PARD3B: variants seen among roughly 807,000 people sequenced by gnomAD.
PARD3B encodes the protein par-3 family cell polarity regulator beta.
PARD3B carries 103 observed loss-of-function variants against 130.2 expected under a neutral mutation model. That is an observed-to-expected ratio of 0.79 (90% confidence interval 0.67 to 0.93). The LOEUF is 0.93. Among genes scored for constraint, PARD3B ranks in the 40% least tolerant of loss-of-function variants. The pLI is 0.00. For missense variants in PARD3B, 1,609 were observed against 1,499.2 expected (o/e 1.07, Z -1.21); for synonymous variants, 583 against 553.2 (o/e 1.05, Z -0.76).
intron 19 of PARD3B, among the ~76,000 whole-genome samples, chr2:205,406,068 A>G (rs2046407998): frequency 1.3e-5 from 2 of 152,220 alleles, no homozygotes; most frequent in Admixed American, 6.5e-5. Flanking sequence ...GCATGCGGGT[A>G]CTAAATCCAA....
intron 2 of PARD3B, among the ~76,000 whole-genome samples, chr2:204,835,901 G>A (rs1057382470): frequency 6.6e-6 from 1 of 152,220 alleles, no homozygotes; most frequent in Non-Finnish European, 1.5e-5. Context: ...GCTATGGCGT[G>A]TTCTGTATGT....
At chr2:204,927,357 TCCA>T (rs1332687786) in intron 2 of PARD3B, among the ~76,000 whole-genome samples, 4 of 152,120 alleles carry the variant, frequency 2.6e-5, no homozygotes, top group African/African-American at 9.7e-5. Flanking sequence ...TCCTTCTCCT[TCCA>T]CCATGCAAGG....
intron 18 of PARD3B, among the ~76,000 whole-genome samples, chr2:205,384,269 T>C (rs2045584384): frequency 6.6e-6 from 1 of 152,134 alleles, no homozygotes. Context: ...TTAAGTTTTA[T>C]ATCCTTTCCC....
At chr2:204,925,859 T>C (rs1687577555) in intron 2 of PARD3B, among the ~76,000 whole-genome samples, 2 of 152,108 alleles carry the variant, frequency 1.3e-5, no homozygotes, top group African/African-American at 4.8e-5. Context: ...TGCTGTTTTT[T>C]GTGATAATGA....
Position 205,145,425 on chromosome 2 carries a change from C to T in PARD3B, c.1435-13297C>T, listed in dbSNP as rs931198015. On this transcript the variant is annotated intron_variant, in intron 10 of 22. Transcript: ENST00000406610. ...AGACTCAATTCTACAAATTTCAGAA[C>T]GTACCTGCTGCTCTGCATCTTTAAA... Among the ~76,000 whole-genome samples the T allele has an allele frequency of 3.3e-5, 5 of 152,166 alleles. No homozygotes were observed. The South Asian group carries it at 1.0e-3, about 32-fold the overall frequency.
At chr2:205,137,243 G>A (rs892030616) in intron 10 of PARD3B, among the ~76,000 whole-genome samples, 2 of 152,082 alleles carry the variant, frequency 1.3e-5, no homozygotes, top group South Asian at 2.1e-4. Context: ...GAAAGATTTC[G>A]TTTATGAGGT....
chr2:204,581,940 C>G (rs1445837317), intron 1 of PARD3B, among the ~76,000 whole-genome samples: 1 of 152,066 alleles, frequency 6.6e-6, no homozygotes, highest in Non-Finnish European at 1.5e-5. Context: ...GAGACTTTTC[C>G]CCAATTTGTA....
At chr2:204,973,315 A>G (rs1272009663) in intron 3 of PARD3B, among the ~76,000 whole-genome samples, 3 of 152,232 alleles carry the variant, frequency 2.0e-5, no homozygotes, top group Non-Finnish European at 4.4e-5. Flanking sequence ...TTATTTATAC[A>G]TATTCATCTT....
At chr2:205,238,184 G>A (rs1173025799) in intron 15 of PARD3B, among the ~76,000 whole-genome samples, 1 of 152,186 alleles carries the variant, frequency 6.6e-6, no homozygotes, top group Non-Finnish European at 1.5e-5. Context: ...CAAGACAAAT[G>A]CCCTGCTGAA....
chr2:204,637,927 A>C (rs917184749), intron 1 of PARD3B, among the ~76,000 whole-genome samples: 4 of 152,100 alleles, frequency 2.6e-5, no homozygotes, highest in Admixed American at 2.6e-4. Flanking sequence ...AGACCCTGAC[A>C]GAAAGGTGGT....
At chr2:204,777,133 A>G (rs2041655476) in intron 2 of PARD3B, among the ~76,000 whole-genome samples, 1 of 152,192 alleles carries the variant, frequency 6.6e-6, no homozygotes, top group East Asian at 1.9e-4. Flanking sequence ...AAAGTCCAGA[A>G]AAACAACTTT....
intron 2 of PARD3B, among the ~76,000 whole-genome samples, chr2:204,776,319 A>C (rs2041616354): frequency 6.6e-6 from 1 of 152,160 alleles, no homozygotes; most frequent in Admixed American, 6.6e-5. Flanking sequence ...TGGGATGACA[A>C]GCATTAATTA....
chr2:205,213,970 T>G (rs991980595), intron 15 of PARD3B, among the ~76,000 whole-genome samples: 8 of 152,158 alleles, frequency 5.3e-5, no homozygotes, highest in Non-Finnish European at 1.0e-4. Context: ...TGAATTCACT[T>G]GCACCACAAG....
chr2:205,597,866 C>T (rs373332008), intron 22 of PARD3B, among the ~76,000 whole-genome samples: 2 of 152,132 alleles, frequency 1.3e-5, no homozygotes, highest in Non-Finnish European at 1.5e-5. Context: ...CCAAGAATTT[C>T]GTATCCTGCC....
chr2:205,396,014 T>A (rs1284581483), intron 18 of PARD3B, among the ~76,000 whole-genome samples: 1 of 152,104 alleles, frequency 6.6e-6, no homozygotes, highest in African/African-American at 2.4e-5. Context: ...TGGCGGAGTT[T>A]CCTCTCTCAT....
At chr2:204,574,895 G>T (rs893437491) in intron 1 of PARD3B, among the ~76,000 whole-genome samples, 24 of 152,164 alleles carry the variant, frequency 1.6e-4, no homozygotes, top group African/African-American at 5.6e-4. Context: ...TAAATTAACA[G>T]CATACGCTTT....
intron 2 of PARD3B, among the ~76,000 whole-genome samples, chr2:204,800,386 C>T (rs1380152847): frequency 6.6e-6 from 1 of 151,808 alleles, no homozygotes; most frequent in Non-Finnish European, 1.5e-5. Context: ...AGAAAGTCGC[C>T]TCAAAAGGGC....
At chr2:204,803,694 A>C (rs2042659362) in intron 2 of PARD3B, among the ~76,000 whole-genome samples, 2 of 152,224 alleles carry the variant, frequency 1.3e-5, no homozygotes, top group African/African-American at 4.8e-5. Context: ...ACCTCAAATC[A>C]AAAAACCTAC....
intron 2 of PARD3B, among the ~76,000 whole-genome samples, chr2:204,932,854 C>T (rs1376974204): frequency 6.6e-6 from 1 of 152,182 alleles, no homozygotes; most frequent in Admixed American, 6.5e-5. Flanking sequence ...AAAGGGCTTA[C>T]ACTTGTTTGT....
Sources: gnomAD v4.1 joint callset for allele counts (sites outside exome capture counted in the v4.1 genomes callset) on GRCh38, gnomAD v4.1.1 for gene constraint, MANE v1.5 for transcripts, NCBI Gene and HGNC (gene_info 2026-07-23, HGNC 2026-07-21) for gene names.